Variants in DIO2 observed in about 807,000 individuals in gnomAD.
DIO2 encodes iodothyronine deiodinase 2, also known as type II iodothyronine deiodinase.
In DIO2, 19 loss-of-function variants were observed where a neutral mutation model predicts 21.4. The observed-to-expected ratio is 0.89, with a 90% CI of 0.62 to 1.30. DIO2 has a LOEUF of 1.30. Ranked by LOEUF, DIO2 falls within the 50% of genes most tolerant of loss-of-function variation. The pLI is 0.00. For missense variants in DIO2, 302 were observed against 338.1 expected (o/e 0.89, Z 0.84); for synonymous variants, 122 against 132.9 (o/e 0.92, Z 0.57).
intron 1 of DIO2, among the ~76,000 whole-genome samples, chr14:80,206,695 C>T (rs1887970078): frequency 6.6e-6 from 1 of 152,148 alleles, no homozygotes. Context: ...TCCCCTGGTA[C>T]TCCCAAACTT....
chr14:80,206,809 G>A (rs1887974382), intron 1 of DIO2, among the ~76,000 whole-genome samples: 1 of 152,086 alleles, frequency 6.6e-6, no homozygotes, highest in Non-Finnish European at 1.5e-5. Context: ...TCCTTAATGA[G>A]ACATATTTGC....
Position 80,222,144 on chromosome 14 carries a change from A to T in DIO2, c.-277-5407T>A, listed in dbSNP as rs1332888591. Among the ~76,000 whole-genome samples the T allele has an allele frequency of 2.6e-5, 4 of 152,254 alleles. No homozygotes were observed. The East Asian group carries it at 7.7e-4, about 29-fold the overall frequency. On this transcript the variant is annotated intron_variant, in intron 2 of 4. Transcript: ENST00000553594. ...AAGGATAGCACACTTGCATATATGC[A>T]TGTACATTAAATTTTGTAGGTGTGC...
intron 2 of DIO2, among the ~76,000 whole-genome samples, chr14:80,223,424 G>T (rs1303828587): frequency 6.6e-6 from 1 of 152,102 alleles, no homozygotes; most frequent in Non-Finnish European, 1.5e-5. Context: ...GGCTGGAAAA[G>T]GTTTTGTAGG....
intron 1 of DIO2, chr14:80,206,387 C>G (rs1887958615): frequency 9.8e-7 from 1 of 1,017,288 alleles, no homozygotes. Context: ...TTTCCTTTAA[C>G]CTAAAAGAAA....
chr14:80,198,204 G>A lies in DIO2; in HGVS notation c.*4485C>T, dbSNP rs1437989798. 6.6e-5 allele frequency: 10 copies of A among 152,582 alleles called. No homozygotes were observed. The highest frequency in any genetic ancestry group is 1.2e-4 in the Non-Finnish European group (8 of 68,028). 9.5% of individuals were successfully genotyped at this position (152,582 alleles called of 1,614,324 possible). A position where few individuals can be genotyped will look rare whatever the true frequency, so the allele number is the denominator to read the frequency against. On this transcript the variant is annotated 3_prime_UTR_variant, in exon 2 of 2. Coordinates refer to ENST00000438257, the MANE Select transcript of DIO2 (RefSeq NM_013989.5). ...AGTGACTTCATTAAACATCTGCTGG[G>A]TCTTCGAAGTCTCAGTAAATATTGA...
At chr14:80,225,906 C>T (rs991208171) in intron 2 of DIO2, among the ~76,000 whole-genome samples, 4 of 152,168 alleles carry the variant, frequency 2.6e-5, no homozygotes, top group African/African-American at 9.7e-5. Flanking sequence ...CCCAAAGTGT[C>T]CAGGTGGCAA....
rs1887603697 is a variant in DIO2, at chr14:80,198,971, C to T, written c.*3718G>A. On this transcript the variant is annotated 3_prime_UTR_variant, in exon 2 of 2. Transcript: ENST00000438257. ...TATGATCCTAATTAAAGTTATTTTCCAAACCATCAGTCAGAGGTCGGGTGG... is the reference window on the plus strand; with the variant it reads ...TATGATCCTAATTAAAGTTATTTTCTAAACCATCAGTCAGAGGTCGGGTGG... 1 of 152,120 alleles carries T rather than the reference C, an allele frequency of 6.6e-6. No homozygotes were observed. The highest frequency in any genetic ancestry group is 2.4e-5 in the African/African-American group (1 of 41,416). 9.4% of individuals were successfully genotyped at this position (152,120 alleles called of 1,614,324 possible).
At chr14:80,206,349 GA>G (rs763047391) in intron 1 of DIO2, 12 of 1,470,204 alleles carry the variant, frequency 8.2e-6, no homozygotes, top group South Asian at 5.4e-5. Flanking sequence ...CTAAAATAAA[GA>G]AAAAAAACTT....
At chr14:80,214,676 C>A (rs529209148), upstream of DIO2, among the ~76,000 whole-genome samples, 1 of 152,258 alleles carries the variant, frequency 6.6e-6, no homozygotes, top group South Asian at 2.1e-4. Context: ...TTACATTTCT[C>A]CAAAGCTATT....
At chr14:80,210,513 G>A (rs561311196) in intron 1 of DIO2, among the ~76,000 whole-genome samples, 4 of 152,256 alleles carry the variant, frequency 2.6e-5, no homozygotes, top group South Asian at 2.1e-4. Flanking sequence ...CTAGGGCAAC[G>A]TATTTTATTT....
chr14:80,221,531 G>T (rs1298261016), intron 2 of DIO2, among the ~76,000 whole-genome samples: 1 of 152,100 alleles, frequency 6.6e-6, no homozygotes, highest in Non-Finnish European at 1.5e-5. Flanking sequence ...CTCAGAGTAA[G>T]ATTGCTTTCT....
At chr14:80,217,760 T>C (rs1268646239) in intron 2 of DIO2, among the ~76,000 whole-genome samples, 1 of 152,250 alleles carries the variant, frequency 6.6e-6, no homozygotes, top group East Asian at 1.9e-4. Flanking sequence ...CAAGACATTT[T>C]ATGATTTTTG....
chr14:80,217,316 T>C (rs1006657113), intron 2 of DIO2, among the ~76,000 whole-genome samples: 1 of 152,182 alleles, frequency 6.6e-6, no homozygotes, highest in South Asian at 2.1e-4. Context: ...TCAAAACCTT[T>C]TTAAGCTCGT....
rs1370766294 is a variant in DIO2, at chr14:80,223,963, C to G, written c.-277-7226G>C. 2.0e-5 allele frequency among the ~76,000 whole-genome samples: 3 copies of G among 152,296 alleles called. No individual in the cohort carries two copies. The East Asian group carries it at 5.8e-4, about 29-fold the overall frequency. ...ACCGATTATATCACAGGCCACCAAG[C>G]AAGTACCCAATTATCTTCTCACATA... On this transcript the variant is annotated intron_variant, in intron 2 of 4. Transcript: ENST00000553594.
chr14:80,227,378 C>T (rs947315326), intron 2 of DIO2, among the ~76,000 whole-genome samples: 1 of 152,210 alleles, frequency 6.6e-6, no homozygotes, highest in Admixed American at 6.5e-5. Context: ...GTATATACCA[C>T]TTCCATTTGA....
intron 1 of DIO2, among the ~76,000 whole-genome samples, chr14:80,207,304 C>T (rs546297221): frequency 5.3e-5 from 8 of 152,292 alleles, no homozygotes; most frequent in South Asian, 2.1e-4. Context: ...AAAGGAAATG[C>T]TGCTTTAGCA....
At chr14:80,230,453 G>T (rs755135580) in intron 2 of DIO2, among the ~76,000 whole-genome samples, 5 of 152,118 alleles carry the variant, frequency 3.3e-5, no homozygotes, top group Non-Finnish European at 7.4e-5. Context: ...CTCAATATCT[G>T]CTTTTGAGGC....
chr14:80,225,230 C>T lies in DIO2; in HGVS notation c.-277-8493G>A, dbSNP rs1343808738. On this transcript the variant is annotated intron_variant, in intron 2 of 4. Transcript: ENST00000553594. ...CCTTCAATCCAATCAGGTTGACACT[C>T]AGTATCTACCATCACAAATCCACCC... Among the ~76,000 whole-genome samples, 44 of 152,144 alleles carry T rather than the reference C, an allele frequency of 2.9e-4. 1 individual carries two copies. The highest frequency in any genetic ancestry group is 1.5e-5 in the Non-Finnish European group (1 of 68,024).
upstream of DIO2, among the ~76,000 whole-genome samples, chr14:80,214,312 G>A (rs1440837504): frequency 1.3e-5 from 2 of 152,212 alleles, no homozygotes; most frequent in East Asian, 3.8e-4. Context: ...ACTTGCTTTT[G>A]CTCTGAAGGA....
Sources: allele counts gnomAD v4.1 joint callset (sites outside exome capture counted in the v4.1 genomes callset), GRCh38; gene constraint gnomAD v4.1.1; transcripts MANE v1.5; gene names NCBI Gene and HGNC (gene_info 2026-07-23, HGNC 2026-07-21).